Variants in PAPPA2 observed in about 807,000 individuals in gnomAD.
PAPPA2 encodes the protein pappalysin 2.
PAPPA2 carries 86 observed loss-of-function variants against 176.4 expected under a neutral mutation model. The ratio of observed to expected loss-of-function variants is 0.49; its 90% confidence interval spans 0.41 to 0.58. The LOEUF (loss-of-function observed/expected upper bound fraction) is 0.58. Ranked by LOEUF, PAPPA2 falls within the 20% of genes least tolerant of loss-of-function variation. The pLI is 0.00. For missense variants in PAPPA2, 2,073 were observed against 2,256.9 expected (o/e 0.92, Z 1.65); for synonymous variants, 809 against 852.2 (o/e 0.95, Z 0.88).
intron 11 of PAPPA2, among the ~76,000 whole-genome samples, chr1:176,710,802 A>C (rs1180981349): frequency 6.6e-6 from 1 of 152,198 alleles, no homozygotes; most frequent in Non-Finnish European, 1.5e-5. Context: ...ATAGGATTTT[A>C]TACTTGAGAA....
intron 20 of PAPPA2, among the ~76,000 whole-genome samples, chr1:176,796,629 TTTTTCTTTC>T (rs1665443647): frequency 6.7e-6 from 1 of 149,518 alleles, no homozygotes; most frequent in Non-Finnish European, 1.5e-5. Context: ...TCTTTCTTTC[TTTTTCTTTC>T]TTTTCTTTTC....
At chr1:176,704,772 A>G (rs1294984526) in intron 9 of PAPPA2, among the ~76,000 whole-genome samples, 1 of 152,206 alleles carries the variant, frequency 6.6e-6, no homozygotes, top group Non-Finnish European at 1.5e-5. Context: ...AAAAATACAC[A>G]CTAGATTTCA....
At chr1:176,690,473 G>C (rs1420437441) in intron 5 of PAPPA2, 43 bp downstream of exon 5, 1 of 1,592,172 alleles carries the variant, frequency 6.3e-7, no homozygotes, top group South Asian at 1.1e-5. Context: ...AGAATACATG[G>C]GGGCCTTTGA....
At position 176,749,037 on chromosome 1, in the gene PAPPA2, A is replaced by G. The variant is rs544108686; in HGVS notation, c.4151+8841A>G. ...GTTCTGATTATTTTTATAAAGATGG[A>G]TAATTGAGAGTTAGCAGTTTTGATC... On this transcript the variant is annotated intron_variant, in intron 14 of 22. Transcript: ENST00000367662. Among the ~76,000 whole-genome samples the G allele has an allele frequency of 9.4e-5, 3 of 31,804 alleles. No individual in the cohort carries two copies. The East Asian group carries it at 3.4e-3, about 37-fold the overall frequency. 20.9% of individuals were successfully genotyped at this position (31,804 alleles called of 152,430 possible).
chr1:176,701,182 T>G (rs1327084277), intron 8 of PAPPA2, among the ~76,000 whole-genome samples: 2 of 152,174 alleles, frequency 1.3e-5, no homozygotes, highest in Non-Finnish European at 2.9e-5. Flanking sequence ...TAAAATCCAA[T>G]TTTTCAACTG....
At chr1:176,690,987 C>A in intron 5 of PAPPA2, 1 of 984,998 alleles carries the variant, frequency 1.0e-6, no homozygotes, top group East Asian at 1.1e-4. Flanking sequence ...GCCTACCACC[C>A]TTTCCCCACC....
chr1:176,526,490 C>T (rs1287881168), intron 1 of PAPPA2, among the ~76,000 whole-genome samples: 1 of 152,160 alleles, frequency 6.6e-6, no homozygotes, highest in East Asian at 1.9e-4. Context: ...GGAAAAAGCC[C>T]TAGAAGATGA....
intron 4 of PAPPA2, among the ~76,000 whole-genome samples, chr1:176,673,854 A>G (rs960873787): frequency 2.6e-5 from 4 of 152,136 alleles, no homozygotes; most frequent in Admixed American, 6.6e-5. Flanking sequence ...CCACATTCTC[A>G]GTGGAAGACA....
intron 20 of PAPPA2, among the ~76,000 whole-genome samples, chr1:176,798,433 A>T (rs1320101170): frequency 2.0e-5 from 3 of 152,202 alleles, no homozygotes; most frequent in African/African-American, 7.2e-5. Flanking sequence ...AGGGTGGGGA[A>T]CTGGGGGTCC....
chr1:176,645,579 T>C (rs1657351408), intron 3 of PAPPA2, among the ~76,000 whole-genome samples: 1 of 151,718 alleles, frequency 6.6e-6, no homozygotes, highest in Non-Finnish European at 1.5e-5. Context: ...CTTCATTATA[T>C]TGATTTCTTT....
At chr1:176,551,155 C>T (rs1021092346) in intron 1 of PAPPA2, among the ~76,000 whole-genome samples, 9 of 152,292 alleles carry the variant, frequency 5.9e-5, no homozygotes, top group African/African-American at 1.2e-4. Flanking sequence ...AGATAGAGCC[C>T]GACTCCCATC....
Position 176,648,199 on chromosome 1 carries a change from A to G in PAPPA2, c.1992-22771A>G, listed in dbSNP as rs149561298. 4.3e-3 allele frequency among the ~76,000 whole-genome samples: 655 copies of G among 151,534 alleles called. 23 individuals are homozygous for G. Among genetic ancestry groups the G allele is most frequent in the Admixed American group, 0.039 (591 of 15,176 alleles). ...GATATTTTATATTCTTAGTAACTAC[A>G]GTAAATAGGATTGCTTTCTTTATTT... On this transcript the variant is annotated intron_variant, in intron 3 of 22. Transcript: ENST00000367662.
chr1:176,729,270 G>A (rs1260336242), intron 12 of PAPPA2, among the ~76,000 whole-genome samples: 1 of 151,836 alleles, frequency 6.6e-6, no homozygotes, highest in Non-Finnish European at 1.5e-5. Flanking sequence ...TTGTAGTCTC[G>A]AGTTGATTAT....
intron 14 of PAPPA2, among the ~76,000 whole-genome samples, chr1:176,741,381 T>C (rs1662671570): frequency 6.6e-6 from 1 of 152,134 alleles, no homozygotes; most frequent in African/African-American, 2.4e-5. Context: ...AAGTGCTCAA[T>C]TCCTTGCCAA....
intron 4 of PAPPA2, among the ~76,000 whole-genome samples, chr1:176,687,353 G>A (rs1311641350): frequency 3.3e-5 from 5 of 152,138 alleles, no homozygotes; most frequent in Admixed American, 2.6e-4. Flanking sequence ...GGAGTGTTGA[G>A]GGCTTGCATT....
At chr1:176,756,588 A>G (rs902339734) in intron 14 of PAPPA2, among the ~76,000 whole-genome samples, 3 of 152,192 alleles carry the variant, frequency 2.0e-5, no homozygotes, top group Non-Finnish European at 4.4e-5. Flanking sequence ...TTTATAATCT[A>G]TGTTAAAATC....
intron 1 of PAPPA2, among the ~76,000 whole-genome samples, chr1:176,479,422 G>A (rs994932592): frequency 9.9e-5 from 15 of 152,106 alleles, no homozygotes; most frequent in African/African-American, 3.6e-4. Context: ...CATCACAGCA[G>A]TGAAGAAAAT....
intron 12 of PAPPA2, among the ~76,000 whole-genome samples, chr1:176,736,659 G>T (rs1662430780): frequency 6.7e-6 from 1 of 149,258 alleles, no homozygotes; most frequent in African/African-American, 2.5e-5. Flanking sequence ...TTTAAATAAT[G>T]AATAATCTGA....
intron 14 of PAPPA2, among the ~76,000 whole-genome samples, chr1:176,757,967 G>A (rs760137576): frequency 3.3e-5 from 5 of 152,086 alleles, no homozygotes; most frequent in Non-Finnish European, 5.9e-5. Flanking sequence ...CAAATAGGTC[G>A]CATTCTAGGA....
Sources: allele counts gnomAD v4.1 joint callset (sites outside exome capture counted in the v4.1 genomes callset), GRCh38; gene constraint gnomAD v4.1.1; transcripts MANE v1.5; gene names NCBI Gene and HGNC (gene_info 2026-07-23, HGNC 2026-07-21).